L3HYPDH: variants seen among roughly 807,000 people sequenced by gnomAD.
L3HYPDH encodes the protein trans-L-3-hydroxyproline dehydratase.
L3HYPDH carries 32 observed loss-of-function variants against 26.5 expected under a neutral mutation model. The observed-to-expected ratio is 1.21, with a 90% CI of 0.91 to 1.62. The LOEUF (loss-of-function observed/expected upper bound fraction) is 1.62, where lower values mean the gene tolerates loss of function less well. L3HYPDH is among the 40% of genes most tolerant of loss of function. L3HYPDH has a pLI of 0.00. For synonymous variants in L3HYPDH, 215 were observed against 196.6 expected, an observed-to-expected ratio of 1.09 and a Z score of -0.78; for missense variants, 554 against 476.4, an observed-to-expected ratio of 1.16 and a Z score of -1.52.
chr14:59,496,147 C>A, the L3HYPDH span, among the ~76,000 whole-genome samples: 9 of 152,176 alleles, frequency 5.9e-5, no homozygotes, highest in Non-Finnish European at 1.0e-4. Context: ...CTTAAGTGAT[C>A]TACCCACCTT....
At chr14:59,504,217 T>C in the L3HYPDH span, 1 of 625,992 alleles carries the variant, frequency 1.6e-6, no homozygotes, top group Non-Finnish European at 2.8e-6. Context: ...CTTTGTTTTG[T>C]TTATGGTTAG....
At chr14:59,466,512 G>A (rs949429952) in intron 1 of L3HYPDH, among the ~76,000 whole-genome samples, 1 of 152,136 alleles carries the variant, frequency 6.6e-6, no homozygotes, top group African/African-American at 2.4e-5. Context: ...CAGTGCATAG[G>A]ATACCCCTGA....
At chr14:59,484,995 T>C, upstream of L3HYPDH, 1 of 1,582,502 alleles carries the variant, frequency 6.3e-7, no homozygotes, top group Middle Eastern at 1.7e-4. Context: ...CGTAGATTTA[T>C]AGCGCCCGTC....
upstream of L3HYPDH, chr14:59,485,037 A>G (rs1890421466): frequency 1.3e-6 from 2 of 1,598,072 alleles, no homozygotes; most frequent in Admixed American, 1.7e-5. Flanking sequence ...AAAAAATGGA[A>G]TCTTAAAACT....
Position 59,483,797 on chromosome 14 carries a change from C to T in L3HYPDH, c.508+12G>A. On this transcript the variant is annotated intron_variant, in intron 1 of 4. Transcript: ENST00000247194. Reference sequence around the variant, plus strand: ...CAGCTCTGCCCTGGGCTGGAAAGGTCCCGCCCATTACCTGTGGCCAGCACG... The same window carrying T: ...CAGCTCTGCCCTGGGCTGGAAAGGTTCCGCCCATTACCTGTGGCCAGCACG... The T allele has an allele frequency of 1.3e-6, 2 of 1,590,792 alleles. No homozygotes were observed. Among genetic ancestry groups the T allele is most frequent in the South Asian group, 1.1e-5 (1 of 89,306 alleles).
upstream of L3HYPDH, chr14:59,486,926 C>T (rs747544471): frequency 1.1e-4 from 82 of 716,828 alleles, no homozygotes; most frequent in African/African-American, 5.7e-4. Flanking sequence ...GAGGACCAGG[C>T]GCAGTGGCTC....
intron 4 of L3HYPDH, chr14:59,474,430 C>T (rs1889485257): frequency 1.2e-5 from 8 of 670,198 alleles, no homozygotes; most frequent in Non-Finnish European, 2.2e-5. Flanking sequence ...AATGCATCTA[C>T]TTGCCAACCT....
Position 59,483,938 on chromosome 14 carries a change from C to T in L3HYPDH, c.379G>A (p.Gly127Ser). ...ATATTGACGCGGGCCTCGCGGGTGC[C>T]CGCAGGGGGCGCCGGCACAAGCCCG... ...DFGLVPAPPA[G>S]TREARVNIHC... The change falls in exon 1 of 5, where the codon GGC becomes AGC. Residue 127 changes from glycine (G) to serine (S), a missense_variant. Coordinates refer to ENST00000247194, the MANE Select transcript of L3HYPDH (RefSeq NM_144581.2). 6.4e-7 allele frequency: 1 copy of T among 1,555,594 alleles called. No individual in the cohort carries two copies. The highest frequency in any genetic ancestry group is 1.2e-5 in the South Asian group (1 of 86,008).
upstream of L3HYPDH, chr14:59,484,541 G>C: frequency 6.4e-7 from 1 of 1,561,798 alleles, no homozygotes; most frequent in South Asian, 1.2e-5. Flanking sequence ...CGGTGCAGCT[G>C]CCAGATCCGC....
At chr14:59,484,517 G>A, upstream of L3HYPDH, 1 of 1,542,306 alleles carries the variant, frequency 6.5e-7, no homozygotes, top group Non-Finnish European at 8.8e-7. Flanking sequence ...CGAGCTCGCT[G>A]TGGCCCGGAT....
the L3HYPDH span, among the ~76,000 whole-genome samples, chr14:59,497,104 T>G: frequency 1.3e-5 from 2 of 151,834 alleles, no homozygotes; most frequent in African/African-American, 4.8e-5. Flanking sequence ...TCCCAATGTA[T>G]ATATAGCCTA....
rs772560318 is a variant in L3HYPDH at position 59,476,092 on chromosome 14, C to T, written c.801G>A (p.Gln267=). 7.4e-6 allele frequency: 12 copies of T among 1,613,846 alleles called. No homozygotes were observed. The South Asian group carries it at 7.7e-5, about 10-fold the overall frequency. The change falls in exon 3 of 5, where the codon CAG becomes CAA. Residue 267 remains glutamine, a splice_region_variant and synonymous_variant. Transcript: ENST00000247194. ...TTNICVFADE[Q]VDRSPTGSGV... is the part of the protein sequence containing the mutation. ...TCCCTAAACATTACAGTTTTAATAC[C>T]TGTTCATCTGCAAAAACACAAATGT...
upstream of L3HYPDH, chr14:59,484,621 C>A: frequency 6.3e-7 from 1 of 1,576,594 alleles, no homozygotes; most frequent in Non-Finnish European, 8.6e-7. Context: ...TCCCGGGAAG[C>A]GTTTCTGGTA....
At chr14:59,468,534 T>A (rs527747105), downstream of L3HYPDH, among the ~76,000 whole-genome samples, 1 of 152,312 alleles carries the variant, frequency 6.6e-6, no homozygotes, top group African/African-American at 2.4e-5. Flanking sequence ...GATACCGTCC[T>A]TTCCCCACGT....
At chr14:59,498,541 C>T in the L3HYPDH span, among the ~76,000 whole-genome samples, 1 of 152,136 alleles carries the variant, frequency 6.6e-6, no homozygotes, top group Non-Finnish European at 1.5e-5. Context: ...AAGAAAGCAA[C>T]CATTGTACCC....
intron 1 of L3HYPDH, chr14:59,483,481 C>T (rs1027999472): frequency 7.9e-6 from 10 of 1,262,862 alleles, no homozygotes; most frequent in Non-Finnish European, 9.0e-6. Flanking sequence ...TTCCTTGACC[C>T]CACCGTACCT....
chr14:59,504,438 G>T, the L3HYPDH span: 1 of 186,758 alleles, frequency 5.4e-6, no homozygotes, highest in Non-Finnish European at 1.1e-5. Flanking sequence ...CTTAACAGTG[G>T]CGTAATTGTA....
upstream of L3HYPDH, among the ~76,000 whole-genome samples, chr14:59,489,129 T>C (rs56115342): frequency 0.075 from 11,362 of 152,306 alleles, 615 homozygotes; most frequent in African/African-American, 0.15. Context: ...AAAATGCTTT[T>C]CTTCTCTACC....
chr14:59,469,439 CAGCT>C (rs1177980681), downstream of L3HYPDH, among the ~76,000 whole-genome samples: 1 of 151,790 alleles, frequency 6.6e-6, no homozygotes, highest in Non-Finnish European at 1.5e-5. Context: ...CCTGTAATCC[CAGCT>C]ACTCAGGAGG....
Sources: allele counts gnomAD v4.1 joint callset (sites outside exome capture counted in the v4.1 genomes callset), GRCh38; gene constraint gnomAD v4.1.1; transcripts MANE v1.5; gene names NCBI Gene and HGNC (gene_info 2026-07-23, HGNC 2026-07-21).